The following MCM7 variants were observed in gnomAD, a reference collection of about 807,000 sequenced individuals.
The protein encoded by MCM7 is minichromosome maintenance complex component 7, also known as DNA replication licensing factor MCM7.
A neutral mutation model predicts 83.5 loss-of-function variants in MCM7; 95 were observed. That is an observed-to-expected ratio of 1.14 (90% CI 0.96 to 1.35). The LOEUF (loss-of-function observed/expected upper bound fraction) is 1.35, where lower values mean the gene tolerates loss of function less well. MCM7 is among the 40% of genes most tolerant of loss of function. The pLI, the probability that MCM7 is intolerant of heterozygous loss-of-function variation, is 0.00. For synonymous variants in MCM7, 461 were observed against 352.7 expected, an observed-to-expected ratio of 1.31 and a Z score of -3.44; for missense variants, 1,087 against 957.4, an observed-to-expected ratio of 1.14 and a Z score of -1.79.
intron 12 of MCM7, 40 bp downstream of exon 12, chr7:100,095,347 C>T (rs1365533829): frequency 6.4e-7 from 1 of 1,573,688 alleles, no homozygotes; most frequent in Admixed American, 1.8e-5. Flanking sequence ...GCTCGCACGG[C>T]CCACGCCAAC....
In MCM7 at chr7:100,098,163, G is replaced by A. The variant is rs771886050; in HGVS notation, c.848C>T (p.Thr283Ile). The A allele has an allele frequency of 1.9e-6, 3 of 1,614,034 alleles. No homozygotes were observed. Among genetic ancestry groups the A allele is most frequent in the Admixed American group, 3.3e-5 (2 of 59,996 alleles). The stretch of plus-strand genomic sequence containing the variant: ...TACCTGTACCACCTGTCGGAACCCA[G>A]TGCGCAGGATTGGCAAGAAAATACC... Reference protein sequence around the residue: ...VTGIFLPILRTGFRQVVQGLL... With the variant: ...VTGIFLPILRIGFRQVVQGLL... The change falls in exon 7 of 15, where the codon ACT (threonine) becomes ATT (isoleucine). Residue 283 changes from threonine to isoleucine, a missense_variant. Physicochemically the swap from Thr to Ile is moderately conservative, Grantham distance 89. Coordinates refer to ENST00000303887, the MANE Select transcript of MCM7 (RefSeq NM_005916.5).
At position 100,097,654 on chromosome 7, in the gene MCM7, G is replaced by C. The variant is rs146058965; in HGVS notation, c.1077C>G (p.Val359=). The C allele has an allele frequency of 4.3e-6, 7 of 1,614,108 alleles. No homozygotes were observed. The highest frequency in any genetic ancestry group is 5.1e-6 in the Non-Finnish European group (6 of 1,180,044). ...CTCGAGGAGACTGGTCCACACCCCC[G>C]ACTAGCAGGAGCAGCAGTGCCTTCT... The part of the protein sequence containing the change: ...DVKKALLLLL[V]GGVDQSPRGM... Residue 359 remains valine (V), a synonymous_variant, in exon 9 of 15, where the codon GTC becomes GTG. Transcript: ENST00000303887.
rs1178550301 is a variant in MCM7, at chr7:100,098,310, A to AT, written c.721-21dup. ...ATCACTCTAGGGGAGGGAAAGGCAC[A>AT]TAAGACTAGGAGAAATGGACAAGGA... is the stretch of plus-strand genomic sequence containing the variant. On this transcript the variant is annotated intron_variant, in intron 6 of 14. Coordinates refer to ENST00000303887, the MANE Select transcript of MCM7 (RefSeq NM_005916.5). 16 of 1,613,088 alleles carry AT rather than the reference A, an allele frequency of 9.9e-6. No individual in the cohort carries two copies. Among genetic ancestry groups the AT allele is most frequent in the Non-Finnish European group, 1.2e-5 (14 of 1,179,464 alleles).
rs764813068 is a variant in MCM7, at chr7:100,098,727, G to C, written c.583-12C>G. 2 of 1,613,964 alleles carry C rather than the reference G, an allele frequency of 1.2e-6. No individual in the cohort carries two copies. The highest frequency in any genetic ancestry group is 1.7e-5 in the Admixed American group (1 of 60,004). On this transcript the variant is annotated splice_polypyrimidine_tract_variant and intron_variant, in intron 5 of 14. Transcript: ENST00000303887. ...GTGGGAGACTGGATCTAGGATGTGA[G>C]AACAGAAACACCAAAGGAACTCAGA...
intron 10 of MCM7, 61 bp downstream of exon 10, chr7:100,097,240 G>T: frequency 1.4e-6 from 2 of 1,468,928 alleles, no homozygotes; most frequent in Non-Finnish European, 1.9e-6. Flanking sequence ...CCTACTTTTT[G>T]AATAAACACT....
chr7:100,095,540 TC>T lies in MCM7; in HGVS notation c.1596-71del, dbSNP rs1228510137. 2.0e-6 allele frequency: 3 copies of T among 1,469,872 alleles called. 1 individual carries two copies. The African/African-American group carries it at 4.1e-5, about 20-fold the overall frequency. The allele number at this position is 1,469,872 out of a possible 1,614,324, so 91.1% of individuals were successfully genotyped here. On this transcript the variant is annotated intron_variant, in intron 11 of 14. Transcript: ENST00000303887. ...GCACCCATGTCCTCTTAGGTGTCCC[TC>T]CTTTGGCTCTGCCACTTCCTCACAG...
chr7:100,101,104 G>A, intron 1 of MCM7, 160 bp downstream of exon 1: 2 of 861,248 alleles, frequency 2.3e-6, no homozygotes, highest in Middle Eastern at 2.8e-4. Flanking sequence ...CGCTTCCCAG[G>A]CCCCGTGGGC....
rs780605630 is a variant in MCM7, at chr7:100,100,044, C to T, written c.81G>A (p.Gly27=). The change falls in exon 2 of 15, where the codon GGG becomes GGA. Residue 27 remains glycine, a synonymous_variant. Coordinates refer to ENST00000303887, the MANE Select transcript of MCM7 (RefSeq NM_005916.5). Reference sequence around the variant, plus strand: ...GGTTCCCATACTTGAACTGCTTCTTCCCGAGTTCATCATCCTGGTAGAACT... The same window carrying T: ...GGTTCCCATACTTGAACTGCTTCTTTCCGAGTTCATCATCCTGGTAGAACT... ...LQEFYQDDEL[G]KKQFKYGNQL... 25 of 1,614,062 alleles carry T rather than the reference C, an allele frequency of 1.5e-5. No individual in the cohort carries two copies. The highest frequency in any genetic ancestry group is 4.5e-5 in the East Asian group (2 of 44,898).
chr7:100,096,302 C>G, intron 10 of MCM7, 135 bp from the exon 11 acceptor site: 1 of 845,874 alleles, frequency 1.2e-6, no homozygotes. Context: ...TCTTGAGATG[C>G]CCGAGGATCT....
At chr7:100,095,526 C>T in intron 11 of MCM7, 56 bp from the exon 12 acceptor site, 2 of 1,527,948 alleles carry the variant, frequency 1.3e-6, no homozygotes, top group South Asian at 2.3e-5. Context: ...CACCCATGTC[C>T]TCTTAGGTGT....
intron 9 of MCM7, 83 bp from the exon 10 acceptor site, chr7:100,097,467 C>T (rs1343639843): frequency 1.3e-6 from 2 of 1,572,632 alleles, no homozygotes; most frequent in African/African-American, 1.4e-5. Context: ...TCTGCCTACC[C>T]CTAACACCCA....
intron 10 of MCM7, among the ~76,000 whole-genome samples, chr7:100,096,540 TAAC>T (rs1795644261): frequency 6.6e-6 from 1 of 151,890 alleles, no homozygotes; most frequent in Non-Finnish European, 1.5e-5. Context: ...CGGAGGCCGA[TAAC>T]AAGGCGGGCA....
At chr7:100,101,127 G>A (rs1795998300) in intron 1 of MCM7, 137 bp downstream of exon 1, 3 of 1,097,750 alleles carry the variant, frequency 2.7e-6, no homozygotes, top group South Asian at 1.4e-5. Flanking sequence ...TAGCCAGGCC[G>A]CAGCTCGACC....
chr7:100,096,807 A>G (rs1252121943), intron 10 of MCM7, among the ~76,000 whole-genome samples: 3 of 151,812 alleles, frequency 2.0e-5, no homozygotes, highest in African/African-American at 7.3e-5. Flanking sequence ...CCAAACAACA[A>G]AAAAAACTTT....
chr7:100,100,984 T>C, intron 1 of MCM7: 1 of 903,238 alleles, frequency 1.1e-6, no homozygotes, highest in Non-Finnish European at 1.6e-6. Context: ...GACTTTTCCC[T>C]GTGCAGCCCC....
intron 7 of MCM7, 94 bp from the exon 8 acceptor site, chr7:100,098,042 G>A: frequency 1.9e-6 from 3 of 1,579,152 alleles, no homozygotes; most frequent in South Asian, 1.1e-5. Flanking sequence ...CCTGGGTTCT[G>A]TTTTGTTTGG....
At position 100,099,705 on chromosome 7, in the gene MCM7, C is replaced by T. The variant is rs1795844936; in HGVS notation, c.160G>A (p.Asp54Asn). The change falls in exon 3 of 15, where the codon GAC becomes AAC. Residue 54 changes from aspartate (D) to asparagine (N), a missense_variant. By Grantham distance (23) the Asp-to-Asn change is conservative (BLOSUM62 1). Coordinates refer to ENST00000303887, the MANE Select transcript of MCM7 (RefSeq NM_005916.5). ...AACTCGGGGTCATCCTCGGCTACGT[C>T]GTCCAGGTCCACATACAGAGCCACC... ...EQVALYVDLD[D>N]VAEDDPELVD... 1 of 1,614,210 alleles carries T rather than the reference C, an allele frequency of 6.2e-7. No individual in the cohort carries two copies. The highest frequency in any genetic ancestry group is 8.5e-7 in the Non-Finnish European group (1 of 1,180,042).
intron 12 of MCM7, 69 bp from the exon 13 acceptor site, chr7:100,094,410 G>C: frequency 6.3e-7 from 1 of 1,575,872 alleles, no homozygotes; most frequent in Non-Finnish European, 8.7e-7. Flanking sequence ...AGCCCATGTT[G>C]TTTTCTGTAC....
In MCM7 at chr7:100,097,624, C is replaced by T. The variant is rs1342460213; in HGVS notation, c.1107G>A (p.Met369Ile). ...VGGVDQSPRG[M>I]KIRGNINICL... Reference sequence around the variant, plus strand: ...CTTGTTTCTTCTTACCCCGGATTTTCATGCCTCGAGGAGACTGGTCCACAC... The same window carrying T: ...CTTGTTTCTTCTTACCCCGGATTTTTATGCCTCGAGGAGACTGGTCCACAC... Residue 369 changes from methionine (M) to isoleucine (I), a missense_variant, in exon 9 of 15, where the codon ATG becomes ATA. By Grantham distance (10) the Met-to-Ile change is conservative. Transcript: ENST00000303887. 17 of 1,613,758 alleles carry T rather than the reference C, an allele frequency of 1.1e-5. No individual in the cohort carries two copies. The highest frequency in any genetic ancestry group is 1.3e-5 in the Non-Finnish European group (15 of 1,180,038).
Sources: allele counts gnomAD v4.1 joint callset (sites outside exome capture counted in the v4.1 genomes callset), GRCh38; gene constraint gnomAD v4.1.1; transcripts MANE v1.5; gene names NCBI Gene and HGNC (gene_info 2026-07-23, HGNC 2026-07-21).